The following KDM5B variants were observed in gnomAD, a reference collection of about 807,000 sequenced individuals.
The protein encoded by KDM5B is lysine-specific demethylase 5B.
Under a neutral mutation model 193.4 loss-of-function variants are expected in KDM5B, and 144 were observed. The ratio of observed to expected loss-of-function variants is 0.74; its 90% CI spans 0.65 to 0.86. The LOEUF is 0.86. Among genes scored for constraint, KDM5B ranks in the 40% least tolerant of loss-of-function variants. The pLI, the probability that KDM5B is intolerant of heterozygous loss-of-function variation, is 0.00. For missense variants in KDM5B, 1,833 were observed against 1,886.9 expected, an observed-to-expected ratio of 0.97 and a Z score of 0.53; for synonymous variants, 668 against 682.6, an observed-to-expected ratio of 0.98 and a Z score of 0.33.
chr1:202,763,130 A>G (rs906576264), intron 6 of KDM5B, among the ~76,000 whole-genome samples: 2 of 152,204 alleles, frequency 1.3e-5, no homozygotes, highest in Non-Finnish European at 2.9e-5. Context: ...CCTGTTGGCC[A>G]TGACTACAAG....
chr1:202,803,757 T>C (rs893430843), intron 1 of KDM5B, among the ~76,000 whole-genome samples: 36 of 151,666 alleles, frequency 2.4e-4, no homozygotes, highest in African/African-American at 8.5e-4. Context: ...AGGCGGATGT[T>C]GCAGTGAGCA....
chr1:202,737,315 T>A (rs1655132890), intron 20 of KDM5B, among the ~76,000 whole-genome samples: 1 of 152,212 alleles, frequency 6.6e-6, no homozygotes, highest in African/African-American at 2.4e-5. Context: ...TCCCCAAATA[T>A]TCTAATTCAG....
intron 1 of KDM5B, among the ~76,000 whole-genome samples, chr1:202,777,486 A>G (rs1263335938): frequency 2.0e-5 from 3 of 151,554 alleles, no homozygotes. Flanking sequence ...TTCCAGTCAC[A>G]TTAACTTTTT....
intron 8 of KDM5B, among the ~76,000 whole-genome samples, chr1:202,759,446 C>T (rs201735392): frequency 6.6e-5 from 10 of 150,956 alleles, no homozygotes; most frequent in South Asian, 4.2e-4. Flanking sequence ...GAGGCTGAGA[C>T]GGGAGGATCA....
At chr1:202,753,166 C>CA in intron 11 of KDM5B, 99 bp from the exon 12 acceptor site, 4 of 1,011,136 alleles carry the variant, frequency 4.0e-6, no homozygotes, top group Admixed American at 2.4e-5. Context: ...TAAGACTACG[C>CA]AAAAAAGGAA....
chr1:202,801,703 T>C (rs1196419388), intron 1 of KDM5B, among the ~76,000 whole-genome samples: 4 of 152,206 alleles, frequency 2.6e-5, no homozygotes, highest in Admixed American at 6.5e-5. Flanking sequence ...AGTTAATAAA[T>C]ACTTAAGAAA....
chr1:202,741,950 T>C (rs959038915), intron 18 of KDM5B, among the ~76,000 whole-genome samples: 12 of 151,934 alleles, frequency 7.9e-5, no homozygotes, highest in South Asian at 6.3e-4. Flanking sequence ...TTTTTTTTTT[T>C]CTGCAACCTC....
intron 1 of KDM5B, among the ~76,000 whole-genome samples, chr1:202,783,673 C>A (rs1657289050): frequency 6.6e-6 from 1 of 152,016 alleles, no homozygotes; most frequent in Non-Finnish European, 1.5e-5. Flanking sequence ...GTCAGGAGAT[C>A]AAGACCATCC....
Position 202,750,695 on chromosome 1 carries a change from ATTAAAACCCTGG to A in KDM5B, c.1773_1784del (p.Gln592_Asn595del). The A allele has an allele frequency of 6.2e-7, 1 of 1,614,104 alleles. No homozygotes were observed. On this transcript the variant is annotated inframe_deletion, in exon 13 of 27. Transcript: ENST00000367265. ...TGCAGAAGTTAACAGCCTCAGCAAA[ATTAAAACCCTGG>A]TTAAAACCACTGTGGTAGGCTCTTG...
At position 202,746,336 on chromosome 1, in the gene KDM5B, A is replaced by G; in HGVS notation, c.2017-13T>C. The G allele has an allele frequency of 6.3e-7, 1 of 1,585,132 alleles. No homozygotes were observed. Among genetic ancestry groups the G allele is most frequent in the South Asian group, 1.1e-5 (1 of 87,096 alleles). ...AATCAATCACTCCCTAGAATAAAGT[A>G]TACTTTAGAGAGACCTCCAAAGGAT... On this transcript the variant is annotated splice_polypyrimidine_tract_variant and intron_variant, in intron 14 of 26. Transcript: ENST00000367265.
chr1:202,795,986 G>T (rs1033133969), intron 1 of KDM5B: 1 of 164,978 alleles, frequency 6.1e-6, no homozygotes, highest in African/African-American at 2.4e-5. Context: ...GACCAGCCTC[G>T]CACTGTACAA....
intron 19 of KDM5B, 73 bp downstream of exon 19, chr1:202,741,294 A>G (rs1477344092): frequency 1.6e-5 from 17 of 1,089,592 alleles, no homozygotes; most frequent in Admixed American, 2.7e-5. Flanking sequence ...CCATAGACCA[A>G]TCATTGTGCT....
intron 4 of KDM5B, among the ~76,000 whole-genome samples, chr1:202,771,468 T>C (rs1656716787): frequency 6.6e-6 from 1 of 151,700 alleles, no homozygotes; most frequent in Non-Finnish European, 1.5e-5. Context: ...CTCGAACTCC[T>C]GACCTCGAAC....
intron 2 of KDM5B, 70 bp downstream of exon 2, chr1:202,776,947 A>G: frequency 1.1e-6 from 1 of 950,650 alleles, no homozygotes; most frequent in Non-Finnish European, 1.7e-6. Flanking sequence ...AACAATTTTA[A>G]TATATCGTAA....
chr1:202,767,914 G>A lies in KDM5B; in HGVS notation c.577-854C>T, dbSNP rs189261494. Among the ~76,000 whole-genome samples the A allele has an allele frequency of 5.9e-5, 9 of 152,062 alleles. No homozygotes were observed. In the East Asian group the frequency reaches 1.5e-3, roughly 26 times the overall value. Reference sequence around the variant, plus strand: ...ATATTAAAAATCTCATTTTTAACAAGTGTTCGGAATAAAAAAAAATAAGGA... The same window carrying A: ...ATATTAAAAATCTCATTTTTAACAAATGTTCGGAATAAAAAAAAATAAGGA... On this transcript the variant is annotated intron_variant, in intron 4 of 26. Coordinates refer to ENST00000367265, the MANE Select transcript of KDM5B (RefSeq NM_006618.5).
intron 1 of KDM5B, among the ~76,000 whole-genome samples, chr1:202,802,192 A>G (rs996907910): frequency 6.6e-6 from 1 of 152,160 alleles, no homozygotes; most frequent in Non-Finnish European, 1.5e-5. Flanking sequence ...AACCCTGAAC[A>G]CCAGAAACCT....
In KDM5B at chr1:202,728,987, G is replaced by A. The variant is rs1232412981; in HGVS notation, c.*49C>T. 6.2e-7 allele frequency: 1 copy of A among 1,610,870 alleles called. No homozygotes were observed. Among genetic ancestry groups the A allele is most frequent in the South Asian group, 1.1e-5 (1 of 90,920 alleles). On this transcript the variant is annotated 3_prime_UTR_variant, in exon 27 of 27. Coordinates refer to ENST00000367265, the MANE Select transcript of KDM5B (RefSeq NM_006618.5). ...GCTGAGATTTGAAGAAATCCTCTTG[G>A]TTGGAGTCCTGAATTACATTAAGTA...
chr1:202,767,460 G>A, intron 4 of KDM5B: 1 of 1,171,010 alleles, frequency 8.5e-7, no homozygotes, highest in South Asian at 1.2e-5. Context: ...AGAGACCGAG[G>A]AAGGATGAAA....
chr1:202,764,526 T>G (rs752738560), intron 5 of KDM5B, among the ~76,000 whole-genome samples: 2 of 152,020 alleles, frequency 1.3e-5, no homozygotes. Context: ...TCCCAGCTAC[T>G]TGGGAGGCTG....
Sources: allele counts gnomAD v4.1 joint callset (sites outside exome capture counted in the v4.1 genomes callset), GRCh38; gene constraint gnomAD v4.1.1; transcripts MANE v1.5; gene names NCBI Gene and HGNC (gene_info 2026-07-23, HGNC 2026-07-21).